RIPK4: variants seen among roughly 807,000 people sequenced by gnomAD.
RIPK4 encodes receptor-interacting serine/threonine-protein kinase 4.
A neutral mutation model predicts 42.9 loss-of-function variants in RIPK4; 17 were observed. The observed-to-expected ratio is 0.40, with a 90% confidence interval of 0.27 to 0.59. The LOEUF (loss-of-function observed/expected upper bound fraction) is 0.59, where lower values mean the gene tolerates loss of function less well. RIPK4 is among the 20% of genes least tolerant of loss of function. The pLI, the probability that RIPK4 is intolerant of heterozygous loss-of-function variation, is 0.47. For synonymous variants in RIPK4, 498 were observed against 499.1 expected (o/e 1.00, Z 0.03); for missense variants, 897 against 1,104.4 (o/e 0.81, Z 2.66).
chr21:41,763,352 A>G (rs778242469), intron 1 of RIPK4, among the ~76,000 whole-genome samples: 1 of 152,188 alleles, frequency 6.6e-6, no homozygotes, highest in African/African-American at 2.4e-5. Flanking sequence ...ACTTCTAAAG[A>G]AGTCCCAAGG....
intron 5 of RIPK4, 70 bp downstream of exon 5, chr21:41,746,543 C>A: frequency 4.5e-6 from 7 of 1,566,492 alleles, no homozygotes; most frequent in Admixed American, 1.8e-5. Flanking sequence ...GTCCCTCACC[C>A]TGTCCTGTCT....
intron 3 of RIPK4, 123 bp from the exon 4 acceptor site, chr21:41,749,326 C>T: frequency 1.1e-6 from 1 of 887,366 alleles, no homozygotes; most frequent in Non-Finnish European, 1.8e-6. Flanking sequence ...AGCCATGACA[C>T]CGAGATATTT....
intron 6 of RIPK4, among the ~76,000 whole-genome samples, chr21:41,744,632 G>A (rs1453490550): frequency 6.6e-6 from 1 of 152,242 alleles, no homozygotes; most frequent in Non-Finnish European, 1.5e-5. Context: ...GCGGTGTCAA[G>A]CTGCAGAATG....
At position 41,751,395 on chromosome 21, in the gene RIPK4, C is replaced by T; in HGVS notation, c.475-150G>A. The T allele has an allele frequency of 9.3e-7, 1 of 1,071,886 alleles. No individual in the cohort carries two copies. Among genetic ancestry groups the T allele is most frequent in the Non-Finnish European group, 1.3e-6 (1 of 763,922 alleles). The allele number at this position is 1,071,886 out of a possible 1,614,324, so 66.4% of individuals were successfully genotyped here. On this transcript the variant is annotated intron_variant, in intron 2 of 7. Transcript: ENST00000332512. This position sits in a 1 kb window ranked among gnomAD's most constrained non-coding sequence, Gnocchi z 4.5. ...CCGTGTCTGTGCCTCTCCAGGTAGC[C>T]CTGCCCCAGGCAGGGAGGGAGACAG...
In RIPK4 at chr21:41,767,037, T is replaced by C. The variant is rs751328324; in HGVS notation, c.5A>G (p.Glu2Gly). 26 of 1,571,160 alleles carry C rather than the reference T, an allele frequency of 1.7e-5. No homozygotes were observed. The highest frequency in any genetic ancestry group is 2.2e-5 in the Non-Finnish European group (26 of 1,162,744). Residue 2 changes from glutamate (E) to glycine (G), a missense_variant, in exon 1 of 8, where the codon GAG becomes GGG. Coordinates refer to ENST00000332512, the MANE Select transcript of RIPK4 (RefSeq NM_020639.3). The surrounding 1 kb of genome is among the most constrained non-coding windows in gnomAD (Gnocchi z 4.0). ...GGCCCATGGGGTCCCGCCGTCGCCCTCCATCGCGCACGTCTAGCCAGCGCC... is the reference window on the plus strand; with the variant it reads ...GGCCCATGGGGTCCCGCCGTCGCCCCCCATCGCGCACGTCTAGCCAGCGCC... M[E>G]GDGGTPWALA...
At chr21:41,743,757 C>T in intron 7 of RIPK4, 125 bp downstream of exon 7, 1 of 1,258,888 alleles carries the variant, frequency 7.9e-7, no homozygotes, top group Non-Finnish European at 1.1e-6. Context: ...ACAGAGAGAA[C>T]ACAAAGAAGA....
intron 1 of RIPK4, among the ~76,000 whole-genome samples, chr21:41,763,487 A>G (rs1403474084): frequency 2.0e-5 from 3 of 152,210 alleles, no homozygotes; most frequent in Non-Finnish European, 4.4e-5. Flanking sequence ...CAAGCGGAGA[A>G]GCAATAAACG....
chr21:41,759,633 GC>G (rs2061214901), intron 1 of RIPK4, among the ~76,000 whole-genome samples: 1 of 152,214 alleles, frequency 6.6e-6, no homozygotes, highest in African/African-American at 2.4e-5. Flanking sequence ...TCGGACACAG[GC>G]CTGCTCCTCC....
chr21:41,761,564 G>A (rs922054762), intron 1 of RIPK4, among the ~76,000 whole-genome samples: 3 of 152,166 alleles, frequency 2.0e-5, no homozygotes, highest in African/African-American at 7.2e-5. Flanking sequence ...CATCCACTGT[G>A]CAACCGTGTG....
At chr21:41,750,967 C>T (rs1458953647) in intron 3 of RIPK4, 130 bp downstream of exon 3, 8 of 1,192,298 alleles carry the variant, frequency 6.7e-6, no homozygotes, top group East Asian at 5.0e-5. Context: ...CGTGAGTCAC[C>T]GCGCCTGGCC....
chr21:41,746,398 T>C (rs1035831892), intron 5 of RIPK4, among the ~76,000 whole-genome samples: 1 of 152,204 alleles, frequency 6.6e-6, no homozygotes, highest in African/African-American at 2.4e-5. Context: ...GGCGGATGGT[T>C]GGAGGCAACT....
At chr21:41,747,246 A>C (rs12483161) in intron 4 of RIPK4, among the ~76,000 whole-genome samples, 43,447 of 151,968 alleles carry the variant, frequency 0.29, 6,423 homozygotes, top group Admixed American at 0.35. Flanking sequence ...CTCCAATCCC[A>C]AGCTCAGGTC....
rs759842324 is a variant in RIPK4, at chr21:41,756,713, T to C, written c.286A>G (p.Met96Val). Residue 96 changes from methionine (M) to valine (V), a missense_variant, in exon 2 of 8, where the codon ATG (methionine) becomes GTG (valine). Transcript: ENST00000332512. ...AGGGAGCCCGTCTCCATGTACTCCATGACCAGGCCGACAGGTTCGCGGCAG... is the reference window on the plus strand; with the variant it reads ...AGGGAGCCCGTCTCCATGTACTCCACGACCAGGCCGACAGGTTCGCGGCAG... ...GICREPVGLV[M>V]EYMETGSLEK... The C allele has an allele frequency of 2.5e-6, 4 of 1,614,098 alleles. No homozygotes were observed. The highest frequency in any genetic ancestry group is 1.7e-6 in the Non-Finnish European group (2 of 1,180,052).
At chr21:41,749,053 G>T in intron 4 of RIPK4, 101 bp downstream of exon 4, 1 of 1,247,628 alleles carries the variant, frequency 8.0e-7, no homozygotes, top group Non-Finnish European at 1.2e-6. Context: ...TGGCAGCGTG[G>T]ATCACAGGCT....
chr21:41,762,440 C>A (rs969174209), intron 1 of RIPK4, among the ~76,000 whole-genome samples: 1 of 152,242 alleles, frequency 6.6e-6, no homozygotes, highest in African/African-American at 2.4e-5. Flanking sequence ...CACACGACCC[C>A]GCCTTCCAGC....
rs2061186783 is a variant in RIPK4, at chr21:41,751,017, A to T, written c.623+80T>A. ...GACTGGCAGCAAGAGGCCTTTCTGA[A>T]AGCTGCAGCTCAGGGCATGAAGCAT... On this transcript the variant is annotated intron_variant, in intron 3 of 7. Coordinates refer to ENST00000332512, the MANE Select transcript of RIPK4 (RefSeq NM_020639.3). This position sits in a 1 kb window ranked among gnomAD's most constrained non-coding sequence, Gnocchi z 4.5. The T allele has an allele frequency of 2.6e-6, 4 of 1,521,268 alleles. No homozygotes were observed. The highest frequency in any genetic ancestry group is 3.5e-6 in the Non-Finnish European group (4 of 1,129,474). 94.2% of individuals were successfully genotyped at this position (1,521,268 alleles called of 1,614,324 possible).
At chr21:41,744,830 G>C (rs892246481) in intron 6 of RIPK4, among the ~76,000 whole-genome samples, 2 of 152,208 alleles carry the variant, frequency 1.3e-5, no homozygotes, top group African/African-American at 2.4e-5. Context: ...CTACAGGGAC[G>C]AGGGGTGATC....
intron 4 of RIPK4, 121 bp downstream of exon 4, chr21:41,749,033 G>C: frequency 1.0e-6 from 1 of 997,698 alleles, no homozygotes; most frequent in Non-Finnish European, 1.6e-6. Context: ...ACACCACAGA[G>C]CAGCACCTAT....
At chr21:41,745,896 T>A in intron 5 of RIPK4, 34 bp from the exon 6 acceptor site, 1 of 1,510,818 alleles carries the variant, frequency 6.6e-7, no homozygotes, top group Non-Finnish European at 9.2e-7. Context: ...GTCACTCGGA[T>A]GATGACTTCT....
Sources: allele counts gnomAD v4.1 joint callset (sites outside exome capture counted in the v4.1 genomes callset), GRCh38; gene constraint gnomAD v4.1.1; non-coding constraint Gnocchi (gnomAD v3.1); transcripts MANE v1.5; gene names NCBI Gene and HGNC (gene_info 2026-07-23, HGNC 2026-07-21).